NPAS3: variants seen among roughly 807,000 people sequenced by gnomAD.
NPAS3 encodes neuronal PAS domain-containing protein 3.
In NPAS3, 14 loss-of-function variants were observed where a neutral mutation model predicts 73.1. That is an observed-to-expected ratio of 0.19 (90% CI 0.13 to 0.30). The LOEUF (loss-of-function observed/expected upper bound fraction) is 0.30, where lower values mean the gene tolerates loss of function less well. Among genes scored for constraint, NPAS3 ranks in the 10% least tolerant of loss-of-function variants. The pLI is 1.00. For missense variants in NPAS3, 1,096 were observed against 1,250.0 expected, an observed-to-expected ratio of 0.88 and a Z score of 1.86; for synonymous variants, 620 against 541.5, an observed-to-expected ratio of 1.14 and a Z score of -2.01.
At chr14:33,303,361 A>T (rs1040461391) in intron 3 of NPAS3, among the ~76,000 whole-genome samples, 1 of 152,176 alleles carries the variant, frequency 6.6e-6, no homozygotes, top group Non-Finnish European at 1.5e-5. Context: ...AAAAATCTAT[A>T]TAACATTTGA....
In NPAS3 at chr14:33,331,943, G is replaced by A. The variant is rs118161330; in HGVS notation, c.386-35243G>A. Among the ~76,000 whole-genome samples the A allele has an allele frequency of 4.8e-3, 729 of 152,300 alleles. 5 individuals carry two copies. The highest frequency in any genetic ancestry group is 8.7e-3 in the South Asian group (42 of 4,828). On this transcript the variant is annotated intron_variant, in intron 3 of 11. Transcript: ENST00000356141. ...ACCTATAGTGATACTATGCCAAGACGAAATGCTCATCGTAATGATACCTTT... is the reference window on the plus strand; with the variant it reads ...ACCTATAGTGATACTATGCCAAGACAAAATGCTCATCGTAATGATACCTTT...
At chr14:33,639,645 C>T (rs918791930) in intron 5 of NPAS3, among the ~76,000 whole-genome samples, 1 of 152,130 alleles carries the variant, frequency 6.6e-6, no homozygotes, top group African/African-American at 2.4e-5. Context: ...CTAAATTGCC[C>T]TGCCACTACA....
At chr14:33,172,071 C>G (rs1373376801) in intron 2 of NPAS3, among the ~76,000 whole-genome samples, 1 of 152,040 alleles carries the variant, frequency 6.6e-6, no homozygotes, top group Non-Finnish European at 1.5e-5. Context: ...TTTGTGTACC[C>G]CCAAACAAAT....
intron 6 of NPAS3, among the ~76,000 whole-genome samples, chr14:33,723,576 C>T (rs1481674939): frequency 6.6e-6 from 1 of 152,040 alleles, no homozygotes; most frequent in Admixed American, 6.6e-5. Flanking sequence ...TACTCTCTAA[C>T]CCTCTCCAGT....
At chr14:33,306,106 A>G (rs1223527517) in intron 3 of NPAS3, among the ~76,000 whole-genome samples, 1 of 152,218 alleles carries the variant, frequency 6.6e-6, no homozygotes, top group Non-Finnish European at 1.5e-5. Context: ...AAATATTTAA[A>G]CTAGTATATA....
At chr14:33,609,165 GA>G (rs113559106) in intron 5 of NPAS3, among the ~76,000 whole-genome samples, 10,757 of 149,406 alleles carry the variant, frequency 0.072, 466 homozygotes, top group African/African-American at 0.11. Context: ...ATTATTTAAA[GA>G]AAAAAAAAAT....
chr14:33,279,794 C>T (rs143012154), intron 3 of NPAS3, among the ~76,000 whole-genome samples: 30 of 152,032 alleles, frequency 2.0e-4, no homozygotes, highest in African/African-American at 4.8e-4. Context: ...AGTATTCTAC[C>T]CTGGGAATGA....
Position 33,197,264 on chromosome 14 carries a change from TG to T in NPAS3, c.141-17917del, listed in dbSNP as rs1566664439. ...GTGTGTGTGTGTGTGTGTGTGTGTGTGTGTTCTTTTTCAATTGAGATCCACT... is the reference window on the plus strand; with the variant it reads ...GTGTGTGTGTGTGTGTGTGTGTGTGTTGTTCTTTTTCAATTGAGATCCACT... On this transcript the variant is annotated intron_variant, in intron 2 of 11. Transcript: ENST00000356141. Among the ~76,000 whole-genome samples, 34 of 150,104 alleles carry T rather than the reference TG, an allele frequency of 2.3e-4. 2 individuals carry two copies. The highest frequency in any genetic ancestry group is 1.8e-3 in the Admixed American group (26 of 14,818).
intron 1 of NPAS3, among the ~76,000 whole-genome samples, chr14:33,055,484 A>G (rs1010720313): frequency 6.6e-6 from 1 of 152,276 alleles, no homozygotes; most frequent in African/African-American, 2.4e-5. Flanking sequence ...CCAAGGTTTT[A>G]TAGCTAATTT....
chr14:33,174,830 T>C lies in NPAS3; in HGVS notation c.141-40352T>C, dbSNP rs532370717. Among the ~76,000 whole-genome samples the C allele has an allele frequency of 3.0e-4, 46 of 152,154 alleles. 1 individual carries two copies. The South Asian group carries it at 3.1e-3, about 10-fold the overall frequency. On this transcript the variant is annotated intron_variant, in intron 2 of 11. Transcript: ENST00000356141. ...CAGCTGGAAGAGCCAGATGGGAGGATGGAGAGCTAGCAGCGATGGCGGGAT... is the reference window on the plus strand; with the variant it reads ...CAGCTGGAAGAGCCAGATGGGAGGACGGAGAGCTAGCAGCGATGGCGGGAT...
chr14:33,285,396 C>A (rs915487064), intron 3 of NPAS3, among the ~76,000 whole-genome samples: 1 of 152,164 alleles, frequency 6.6e-6, no homozygotes, highest in African/African-American at 2.4e-5. Flanking sequence ...GAATAGACAG[C>A]ATACTCCGTA....
intron 2 of NPAS3, among the ~76,000 whole-genome samples, chr14:33,123,425 T>C (rs1012551595): frequency 6.6e-6 from 1 of 152,138 alleles, no homozygotes; most frequent in African/African-American, 2.4e-5. Context: ...AGGATAATTA[T>C]TTCAGCTGTC....
intron 1 of NPAS3, among the ~76,000 whole-genome samples, chr14:33,012,487 A>G (rs776906002): frequency 2.0e-5 from 3 of 151,434 alleles, no homozygotes; most frequent in African/African-American, 7.3e-5. Flanking sequence ...TTTAGACCCT[A>G]TGAGAATCTT....
intron 1 of NPAS3, among the ~76,000 whole-genome samples, chr14:32,939,725 G>C (rs954983689): frequency 6.6e-6 from 1 of 152,008 alleles, no homozygotes; most frequent in African/African-American, 2.4e-5. Context: ...CAGCGAGGGT[G>C]GGGGGCCGGG....
intron 2 of NPAS3, among the ~76,000 whole-genome samples, chr14:33,064,671 A>C (rs1413550106): frequency 6.6e-6 from 1 of 152,224 alleles, no homozygotes; most frequent in Non-Finnish European, 1.5e-5. Flanking sequence ...ATAGAGATGC[A>C]GTACATTTTC....
chr14:33,221,686 T>C (rs2047434764), intron 3 of NPAS3, among the ~76,000 whole-genome samples: 2 of 151,928 alleles, frequency 1.3e-5, no homozygotes, highest in Admixed American at 1.3e-4. Context: ...GGCAAAAGAG[T>C]ACAGATGTGC....
intron 5 of NPAS3, among the ~76,000 whole-genome samples, chr14:33,643,829 G>A (rs2058747493): frequency 6.6e-6 from 1 of 152,122 alleles, no homozygotes; most frequent in African/African-American, 2.4e-5. Flanking sequence ...TCAAGCTCAA[G>A]TCCATTGTTT....
At chr14:33,520,196 C>T (rs2053494841) in intron 4 of NPAS3, among the ~76,000 whole-genome samples, 2 of 152,142 alleles carry the variant, frequency 1.3e-5, no homozygotes, top group African/African-American at 4.8e-5. Flanking sequence ...GTCGCTTCCC[C>T]TTGCCCTCAA....
intron 2 of NPAS3, among the ~76,000 whole-genome samples, chr14:33,088,770 C>A (rs1470652610): frequency 6.6e-6 from 1 of 152,152 alleles, no homozygotes; most frequent in African/African-American, 2.4e-5. Context: ...CTGGGAGGAA[C>A]CCCCCAGTAG....
Sources: allele counts gnomAD v4.1 joint callset (sites outside exome capture counted in the v4.1 genomes callset), GRCh38; gene constraint gnomAD v4.1.1; transcripts MANE v1.5; gene names NCBI Gene and HGNC (gene_info 2026-07-23, HGNC 2026-07-21).